The following BBX variants were observed in gnomAD, a reference collection of about 807,000 sequenced individuals.
BBX encodes HMG box transcription factor BBX.
BBX carries 30 observed loss-of-function variants against 100.2 expected under a neutral mutation model. The observed-to-expected ratio is 0.30, with a 90% CI of 0.22 to 0.41. BBX has a LOEUF of 0.41. Ranked by LOEUF, BBX falls within the 10% of genes least tolerant of loss-of-function variation. The pLI is 1.00. For synonymous variants in BBX, 376 were observed against 388.1 expected, an observed-to-expected ratio of 0.97 and a Z score of 0.37; for missense variants, 1,023 against 1,129.8, an observed-to-expected ratio of 0.91 and a Z score of 1.35.
intron 13 of BBX, among the ~76,000 whole-genome samples, chr3:107,783,162 A>T (rs2068071114): frequency 6.6e-6 from 1 of 152,146 alleles, no homozygotes; most frequent in South Asian, 2.1e-4. Flanking sequence ...GCAGAAATCA[A>T]ATTTTTCACT....
rs3833481 is a variant in BBX, at chr3:107,523,218, A to AGCGGCG, written c.-156+135_-156+140dup. 9.2e-3 allele frequency: 2,010 copies of AGCGGCG among 218,028 alleles called. 366 individuals carry two copies. The East Asian group carries it at 0.18, about 20-fold the overall frequency. 13.5% of individuals were successfully genotyped at this position (218,028 alleles called of 1,614,324 possible). ...GCCCCAAGGACTCCGCGGCAGGAGCAGCGGCGGCGGCGGCGGCGGCGGCGG... is the reference window on the plus strand; with the variant it reads ...GCCCCAAGGACTCCGCGGCAGGAGCAGCGGCGGCGGCGGCGGCGGCGGCGGCGGCGG... On this transcript the variant is annotated intron_variant, in intron 1 of 17. Transcript: ENST00000325805.
At chr3:107,763,295 G>A (rs990500499) in intron 10 of BBX, among the ~76,000 whole-genome samples, 5 of 151,184 alleles carry the variant, frequency 3.3e-5, no homozygotes, top group Admixed American at 1.3e-4. Flanking sequence ...CGCGATCTCG[G>A]CTCACTGCAA....
intron 13 of BBX, among the ~76,000 whole-genome samples, chr3:107,786,353 AAAC>A (rs1417989226): frequency 6.6e-6 from 1 of 152,154 alleles, no homozygotes; most frequent in African/African-American, 2.4e-5. Flanking sequence ...TATTCAGAAA[AAAC>A]AAAACAATCT....
intron 9 of BBX, among the ~76,000 whole-genome samples, chr3:107,750,629 C>A (rs928297717): frequency 6.6e-6 from 1 of 152,136 alleles, no homozygotes; most frequent in African/African-American, 2.4e-5. Context: ...CAGCAGTACC[C>A]TAACTTTCAA....
intron 2 of BBX, among the ~76,000 whole-genome samples, chr3:107,569,025 T>C (rs2051144319): frequency 6.6e-6 from 1 of 152,232 alleles, no homozygotes; most frequent in Non-Finnish European, 1.5e-5. Context: ...TCTAGCAAAA[T>C]TGTGGTAAAA....
chr3:107,803,257 A>G (rs1487922747), intron 17 of BBX, among the ~76,000 whole-genome samples: 1 of 152,206 alleles, frequency 6.6e-6, no homozygotes, highest in African/African-American at 2.4e-5. Flanking sequence ...CTAGAATTTT[A>G]CCATCAACCT....
chr3:107,686,900 T>A (rs551967703), intron 3 of BBX, among the ~76,000 whole-genome samples: 1 of 152,166 alleles, frequency 6.6e-6, no homozygotes, highest in Non-Finnish European at 1.5e-5. Context: ...ATCTCCTAAT[T>A]TCTGAAAGTT....
At chr3:107,532,234 A>G (rs1447230005) in intron 2 of BBX, among the ~76,000 whole-genome samples, 1 of 152,092 alleles carries the variant, frequency 6.6e-6, no homozygotes, top group Non-Finnish European at 1.5e-5. Flanking sequence ...CAATGTTTAC[A>G]TATGGGACAT....
intron 6 of BBX, among the ~76,000 whole-genome samples, chr3:107,731,706 T>A (rs2063325558): frequency 6.7e-6 from 1 of 150,012 alleles, no homozygotes; most frequent in African/African-American, 2.4e-5. Flanking sequence ...AGAACTTTTT[T>A]TGCAATTTTT....
chr3:107,557,632 A>G (rs532487486), intron 2 of BBX, among the ~76,000 whole-genome samples: 1 of 152,346 alleles, frequency 6.6e-6, no homozygotes, highest in East Asian at 1.9e-4. Flanking sequence ...CCCGGCTTTC[A>G]TTCCTATTTC....
At chr3:107,734,817 C>A (rs987007200) in intron 7 of BBX, among the ~76,000 whole-genome samples, 1 of 152,078 alleles carries the variant, frequency 6.6e-6, no homozygotes, top group Non-Finnish European at 1.5e-5. Context: ...TTCTCCTACT[C>A]CTTCTTAAGA....
At chr3:107,713,525 G>T (rs766507221) in intron 4 of BBX, among the ~76,000 whole-genome samples, 2 of 152,026 alleles carry the variant, frequency 1.3e-5, no homozygotes, top group Non-Finnish European at 2.9e-5. Flanking sequence ...AACTCTAAGA[G>T]CGTTTTTATT....
At chr3:107,697,136 G>C (rs2060669090) in intron 3 of BBX, among the ~76,000 whole-genome samples, 1 of 151,636 alleles carries the variant, frequency 6.6e-6, no homozygotes, top group South Asian at 2.1e-4. Flanking sequence ...CTTTGCCTTT[G>C]GTGTGAATGT....
chr3:107,793,097 T>C (rs2069225535), intron 15 of BBX, among the ~76,000 whole-genome samples: 1 of 152,164 alleles, frequency 6.6e-6, no homozygotes, highest in African/African-American at 2.4e-5. Context: ...ATTGGGTGAA[T>C]GATGAGATGT....
rs76771195 is a variant in BBX at position 107,624,975 on chromosome 3, T to C, written c.-83-20861T>C. Among the ~76,000 whole-genome samples the C allele has an allele frequency of 4.0e-3, 606 of 152,368 alleles. 6 individuals carry two copies. Among genetic ancestry groups the C allele is most frequent in the African/African-American group, 0.012 (516 of 41,590 alleles). ...GGCTGGTTATAAAATTCTTAGGCCA[T>C]GACTGATAATTCTATTATTTTATTT... On this transcript the variant is annotated intron_variant, in intron 2 of 17. Coordinates refer to ENST00000325805, the MANE Select transcript of BBX (RefSeq NM_001142568.3).
intron 2 of BBX, among the ~76,000 whole-genome samples, chr3:107,577,124 G>C (rs2051847647): frequency 6.6e-6 from 1 of 152,176 alleles, no homozygotes. Context: ...CTCCCAAAGT[G>C]CTGGGATTAC....
At chr3:107,687,104 A>G (rs923222553) in intron 3 of BBX, among the ~76,000 whole-genome samples, 2 of 152,152 alleles carry the variant, frequency 1.3e-5, no homozygotes, top group Non-Finnish European at 2.9e-5. Flanking sequence ...TTTTTTCCTT[A>G]GTACAGAATT....
intron 2 of BBX, among the ~76,000 whole-genome samples, chr3:107,531,772 T>C (rs911411239): frequency 7.2e-5 from 11 of 152,156 alleles, no homozygotes; most frequent in African/African-American, 2.4e-4. Flanking sequence ...GGAATGATTT[T>C]CCCACCTCTT....
At chr3:107,570,617 A>G (rs1254895843) in intron 2 of BBX, among the ~76,000 whole-genome samples, 2 of 152,142 alleles carry the variant, frequency 1.3e-5, no homozygotes, top group Admixed American at 6.5e-5. Context: ...CTAGTTGAGG[A>G]AAGAAACTGT....
Sources: allele counts gnomAD v4.1 joint callset (sites outside exome capture counted in the v4.1 genomes callset), GRCh38; gene constraint gnomAD v4.1.1; transcripts MANE v1.5; gene names NCBI Gene and HGNC (gene_info 2026-07-23, HGNC 2026-07-21).